The following CRISPLD2 variants were observed in gnomAD, a reference collection of about 807,000 sequenced individuals.
CRISPLD2 encodes cysteine-rich secretory protein LCCL domain-containing 2.
In CRISPLD2, 47 loss-of-function variants were observed where a neutral mutation model predicts 71.1. That is an observed-to-expected ratio of 0.66 (90% confidence interval 0.52 to 0.84). CRISPLD2 has a LOEUF of 0.84. Among genes scored for constraint, CRISPLD2 ranks in the 40% least tolerant of loss-of-function variants. The pLI is 0.00. For missense variants in CRISPLD2, 830 were observed against 651.1 expected (o/e 1.27, Z -2.99); for synonymous variants, 317 against 250.1 (o/e 1.27, Z -2.52).
intron 13 of CRISPLD2, among the ~76,000 whole-genome samples, chr16:84,881,342 C>T (rs9939646): frequency 6.6e-6 from 1 of 152,186 alleles, no homozygotes; most frequent in Non-Finnish European, 1.5e-5. Context: ...CTGGTTATAC[C>T]AATCTCTTCC....
chr16:84,834,717 C>G (rs931871232), intron 1 of CRISPLD2, among the ~76,000 whole-genome samples: 2 of 152,120 alleles, frequency 1.3e-5, no homozygotes, highest in Non-Finnish European at 2.9e-5. Context: ...TTCTGGAGGC[C>G]AGAAGTCTAA....
In CRISPLD2 at chr16:84,880,177, A is replaced by C. The variant is rs1049057747; in HGVS notation, c.1230-332A>C. Among the ~76,000 whole-genome samples the C allele has an allele frequency of 3.0e-4, 45 of 152,328 alleles. 1 individual carries two copies. The highest frequency in any genetic ancestry group is 1.0e-3 in the African/African-American group (43 of 41,582). Reference sequence around the variant, plus strand: ...AATGTACCCACAGTGTGAACTAGCCAACATCCAAGAATGGGAGGGGCAGCC... The same window carrying C: ...AATGTACCCACAGTGTGAACTAGCCCACATCCAAGAATGGGAGGGGCAGCC... On this transcript the variant is annotated intron_variant, in intron 12 of 14. Transcript: ENST00000262424.
chr16:84,823,530 A>G (rs1475175867), intron 1 of CRISPLD2, among the ~76,000 whole-genome samples: 1 of 152,138 alleles, frequency 6.6e-6, no homozygotes, highest in Non-Finnish European at 1.5e-5. Context: ...AAGCCCTGGC[A>G]TTTGGCATTT....
chr16:84,867,353 A>C (rs1039645430), intron 7 of CRISPLD2, among the ~76,000 whole-genome samples: 3 of 152,158 alleles, frequency 2.0e-5, no homozygotes, highest in African/African-American at 7.2e-5. Context: ...TTCCTCTGGG[A>C]AGCGCTGGCC....
chr16:84,882,594 G>A (rs900362160), intron 13 of CRISPLD2, among the ~76,000 whole-genome samples: 10 of 151,982 alleles, frequency 6.6e-5, no homozygotes, highest in Non-Finnish European at 8.8e-5. Flanking sequence ...TAGTAGAGAC[G>A]GGGTTTCACC....
At chr16:84,875,305 A>C (rs1348187370) in intron 11 of CRISPLD2, among the ~76,000 whole-genome samples, 1 of 151,062 alleles carries the variant, frequency 6.6e-6, no homozygotes, top group African/African-American at 2.5e-5. Context: ...TGTGCCTTTA[A>C]ATCAAGCTTG....
At chr16:84,858,110 G>T (rs1490636819) in intron 6 of CRISPLD2, among the ~76,000 whole-genome samples, 2 of 152,128 alleles carry the variant, frequency 1.3e-5, no homozygotes, top group Non-Finnish European at 2.9e-5. Flanking sequence ...AATCCTAGAG[G>T]CCTCTGCTGT....
At chr16:84,874,483 C>T (rs1178019838) in intron 11 of CRISPLD2, among the ~76,000 whole-genome samples, 5 of 152,154 alleles carry the variant, frequency 3.3e-5, no homozygotes, top group Admixed American at 1.3e-4. Context: ...GCACGATGGG[C>T]GAGCACACTC....
At chr16:84,849,137 G>A (rs558221808) in intron 3 of CRISPLD2, 2 of 496,284 alleles carry the variant, frequency 4.0e-6, no homozygotes, top group East Asian at 3.4e-5. Flanking sequence ...ACCAGGTGCT[G>A]CTGGAATTGA....
chr16:84,851,049 A>G (rs982855958), intron 5 of CRISPLD2, among the ~76,000 whole-genome samples: 2 of 152,218 alleles, frequency 1.3e-5, no homozygotes, highest in African/African-American at 4.8e-5. Flanking sequence ...ATGAGGGGGA[A>G]AAAGATTGCC....
chr16:84,854,693 G>T (rs1441387560), intron 5 of CRISPLD2, 36 bp from the exon 6 acceptor site: 4 of 1,535,022 alleles, frequency 2.6e-6, no homozygotes, highest in South Asian at 1.1e-5. Context: ...TCACGTCGTG[G>T]TTCCCTCTGA....
chr16:84,885,660 C>A (rs1326831391), intron 13 of CRISPLD2, among the ~76,000 whole-genome samples: 2 of 152,174 alleles, frequency 1.3e-5, no homozygotes, highest in African/African-American at 4.8e-5. Flanking sequence ...TAGAAAGTGG[C>A]CTTCAGTTAC....
intron 14 of CRISPLD2, among the ~76,000 whole-genome samples, chr16:84,891,073 A>T (rs1240951853): frequency 1.3e-5 from 2 of 152,144 alleles, no homozygotes; most frequent in African/African-American, 2.4e-5. Context: ...GGCCGCCATG[A>T]TTATCTCTTT....
chr16:84,904,854 T>A (rs8050254), intron 14 of CRISPLD2, among the ~76,000 whole-genome samples: 77,112 of 151,814 alleles, frequency 0.51, 20,360 homozygotes, highest in South Asian at 0.7. Context: ...AAATTACAGA[T>A]GTCTGAGAAA....
At chr16:84,849,599 C>G (rs1041168521) in intron 4 of CRISPLD2, 82 bp downstream of exon 4, 1 of 1,246,236 alleles carries the variant, frequency 8.0e-7, no homozygotes, top group Non-Finnish European at 1.2e-6. Flanking sequence ...ATTGTCAAAT[C>G]TGTAAAGCCT....
At chr16:84,875,768 G>A (rs1267597254) in intron 11 of CRISPLD2, among the ~76,000 whole-genome samples, 2 of 144,178 alleles carry the variant, frequency 1.4e-5, no homozygotes, top group Admixed American at 7.2e-5. Flanking sequence ...GTTTCGCCAC[G>A]TTGGCCAGGC....
intron 14 of CRISPLD2, among the ~76,000 whole-genome samples, chr16:84,898,284 C>T (rs1304726434): frequency 6.6e-6 from 1 of 152,178 alleles, no homozygotes; most frequent in African/African-American, 2.4e-5. Flanking sequence ...GTGTAAGGCT[C>T]CCCCGCCAGT....
At chr16:84,904,832 T>G (rs1300749733) in intron 14 of CRISPLD2, among the ~76,000 whole-genome samples, 2 of 152,194 alleles carry the variant, frequency 1.3e-5, no homozygotes, top group African/African-American at 4.8e-5. Flanking sequence ...AAGGCTGAAA[T>G]GTAAGAGCTA....
At chr16:84,906,129 T>A (rs1014578874) in intron 14 of CRISPLD2, among the ~76,000 whole-genome samples, 2 of 152,136 alleles carry the variant, frequency 1.3e-5, no homozygotes, top group Admixed American at 6.5e-5. Flanking sequence ...TGTCTCCGTT[T>A]CCTCCCCTGT....
Sources: gnomAD v4.1 joint callset for allele counts (sites outside exome capture counted in the v4.1 genomes callset) on GRCh38, gnomAD v4.1.1 for gene constraint, MANE v1.5 for transcripts, NCBI Gene and HGNC (gene_info 2026-07-23, HGNC 2026-07-21) for gene names.